Variants in IL2RB observed in about 807,000 individuals in gnomAD.
IL2RB encodes interleukin 2 receptor subunit beta.
In IL2RB, 17 loss-of-function variants were observed where a neutral mutation model predicts 44.2. That is an observed-to-expected ratio of 0.38 (90% CI 0.26 to 0.58). The LOEUF is 0.58. Ranked by LOEUF, IL2RB falls within the 20% of genes least tolerant of loss-of-function variation. The pLI is 0.63. For synonymous variants in IL2RB, 286 were observed against 297.9 expected (o/e 0.96, Z 0.41); for missense variants, 624 against 685.5 (o/e 0.91, Z 1.00).
At chr22:37,172,929 A>G (rs577639358) in intron 1 of IL2RB, among the ~76,000 whole-genome samples, 2 of 152,116 alleles carry the variant, frequency 1.3e-5, no homozygotes, top group East Asian at 1.9e-4. Flanking sequence ...AGTGTTTCCC[A>G]TCCTCCAGCC....
At position 37,169,498 on chromosome 22, in the gene IL2RB, C is replaced by T. The variant is rs190219195; in HGVS notation, c.-34+5460G>A. 2.0e-3 allele frequency among the ~76,000 whole-genome samples: 312 copies of T among 152,292 alleles called. 1 individual carries two copies. Among genetic ancestry groups the T allele is most frequent in the Non-Finnish European group, 3.1e-3 (208 of 68,008 alleles). ...TCTGCATCCAGAGCATCCTTGCACA[C>T]AACTCTTCAGGGGCTCCCCACTGCC... On this transcript the variant is annotated intron_variant, in intron 1 of 5. Coordinates refer to the IL2RB transcript ENST00000429622.
rs188695948 is a variant in IL2RB, at chr22:37,128,339, G to A, written c.1413C>T (p.Pro471=). Residue 471 remains proline (P), a synonymous_variant, in exon 10 of 10, where the codon CCC becomes CCT. Transcript: ENST00000216223. The surrounding 1 kb of genome is among the most constrained non-coding windows in gnomAD (Gnocchi z 4.5). ...ERVPRDWDPQ[P]LGPPTPGVPD... is the part of the protein sequence containing the mutation. ...GGACTCCTGGGGTGGGAGGCCCCAGGGGCTGGGGGTCCCAGTCTCTGGGGA... is the reference window on the plus strand; with the variant it reads ...GGACTCCTGGGGTGGGAGGCCCCAGAGGCTGGGGGTCCCAGTCTCTGGGGA... 6.6e-7 allele frequency: 1 copy of A among 1,504,244 alleles called. No individual in the cohort carries two copies. Among genetic ancestry groups the A allele is most frequent in the Non-Finnish European group, 8.9e-7 (1 of 1,127,426 alleles). 93.2% of individuals were successfully genotyped at this position (1,504,244 alleles called of 1,614,324 possible).
At chr22:37,149,329 C>T (rs958478975) in intron 1 of IL2RB, among the ~76,000 whole-genome samples, 1 of 152,210 alleles carries the variant, frequency 6.6e-6, no homozygotes, top group Non-Finnish European at 1.5e-5. Context: ...TCATAGATGG[C>T]TCTCCAAGGG....
At chr22:37,164,092 C>T (rs891612386) in intron 1 of IL2RB, among the ~76,000 whole-genome samples, 13 of 152,194 alleles carry the variant, frequency 8.5e-5, no homozygotes, top group African/African-American at 2.7e-4. Context: ...CGTGAGGGTG[C>T]GTGAGGAGAG....
At chr22:37,152,911 T>C (rs984943562), upstream of IL2RB, among the ~76,000 whole-genome samples, 8 of 150,562 alleles carry the variant, frequency 5.3e-5, no homozygotes, top group Admixed American at 5.3e-4. Flanking sequence ...AGAGGGGTTT[T>C]ATTGCAAGCT....
At chr22:37,142,679 A>G (rs1240810420) in intron 3 of IL2RB, 167 bp from the exon 4 acceptor site, 1 of 726,246 alleles carries the variant, frequency 1.4e-6, no homozygotes, top group South Asian at 1.5e-5. Context: ...CACTGGCTCC[A>G]TGGCATTCCT....
At chr22:37,134,831 G>A (rs988968673) in intron 8 of IL2RB, among the ~76,000 whole-genome samples, 1 of 152,194 alleles carries the variant, frequency 6.6e-6, no homozygotes, top group Non-Finnish European at 1.5e-5. Context: ...GAGCTGGGGC[G>A]CATGCATGCG....
intron 1 of IL2RB, among the ~76,000 whole-genome samples, chr22:37,149,086 T>G (rs1922364103): frequency 6.6e-6 from 1 of 152,038 alleles, no homozygotes; most frequent in Non-Finnish European, 1.5e-5. Flanking sequence ...AGCTCCTCAC[T>G]CCACCTCCCT....
intron 1 of IL2RB, among the ~76,000 whole-genome samples, chr22:37,145,705 C>T (rs1470465500): frequency 6.6e-6 from 1 of 151,904 alleles, no homozygotes; most frequent in African/African-American, 2.4e-5. Flanking sequence ...ATGAGGGTAG[C>T]CTCAGTCAGA....
chr22:37,167,902 G>C (rs1923137422), intron 1 of IL2RB, among the ~76,000 whole-genome samples: 1 of 152,202 alleles, frequency 6.6e-6, no homozygotes. Context: ...AGGGGTGCGG[G>C]AGGGAGGGAG....
At chr22:37,168,829 A>G (rs544200537) in intron 1 of IL2RB, among the ~76,000 whole-genome samples, 4 of 152,170 alleles carry the variant, frequency 2.6e-5, no homozygotes, top group Non-Finnish European at 5.9e-5. Flanking sequence ...CCCCAGCTCC[A>G]TCTCCTTCCC....
intron 1 of IL2RB, among the ~76,000 whole-genome samples, chr22:37,160,222 G>A (rs911618136): frequency 5.3e-5 from 8 of 152,378 alleles, no homozygotes; most frequent in Non-Finnish European, 1.0e-4. Flanking sequence ...AGTGACGGCA[G>A]CTCCCTGTGG....
chr22:37,160,250 G>A (rs1367114620), intron 1 of IL2RB, among the ~76,000 whole-genome samples: 2 of 152,228 alleles, frequency 1.3e-5, no homozygotes, highest in African/African-American at 4.8e-5. Flanking sequence ...CGGGATGGCA[G>A]CTTATCCGTG....
chr22:37,167,851 A>G (rs896879063), intron 1 of IL2RB, among the ~76,000 whole-genome samples: 1 of 152,254 alleles, frequency 6.6e-6, no homozygotes, highest in Non-Finnish European at 1.5e-5. Flanking sequence ...AATGCATTCA[A>G]ACTGCATTTA....
intron 1 of IL2RB, among the ~76,000 whole-genome samples, chr22:37,147,855 C>T (rs1387390748): frequency 6.6e-6 from 1 of 152,234 alleles, no homozygotes; most frequent in Non-Finnish European, 1.5e-5. Context: ...TAGCAGAGGG[C>T]ACAGGGTTGG....
At chr22:37,129,428 C>G (rs1431105974) in intron 9 of IL2RB, among the ~76,000 whole-genome samples, 1 of 152,140 alleles carries the variant, frequency 6.6e-6, no homozygotes, top group African/African-American at 2.4e-5. Context: ...CCTGATTCAC[C>G]TTTCCCCCAG....
chr22:37,163,165 G>A (rs1223649031), intron 1 of IL2RB, among the ~76,000 whole-genome samples: 1 of 152,156 alleles, frequency 6.6e-6, no homozygotes, highest in Admixed American at 6.6e-5. Flanking sequence ...GATCTGGAGT[G>A]GTTCTCAGGT....
chr22:37,152,568 C>T (rs1442949437), upstream of IL2RB, among the ~76,000 whole-genome samples: 2 of 152,114 alleles, frequency 1.3e-5, no homozygotes, highest in African/African-American at 2.4e-5. Flanking sequence ...ACTTCTTTCT[C>T]TTGTCTGTTT....
intron 4 of IL2RB, among the ~76,000 whole-genome samples, chr22:37,139,519 G>A (rs906440360): frequency 7.2e-5 from 11 of 152,174 alleles, no homozygotes; most frequent in African/African-American, 2.7e-4. Flanking sequence ...AACACAGGCA[G>A]TGGGCTGGAT....
Sources: allele counts gnomAD v4.1 joint callset (sites outside exome capture counted in the v4.1 genomes callset), GRCh38; gene constraint gnomAD v4.1.1; non-coding constraint Gnocchi (gnomAD v3.1); transcripts MANE v1.5; gene names NCBI Gene and HGNC (gene_info 2026-07-23, HGNC 2026-07-21).